ERMP1: variants seen among roughly 807,000 people sequenced by gnomAD.
ERMP1 encodes endoplasmic reticulum metallopeptidase 1, also known as Felix-ina.
In ERMP1, 86 loss-of-function variants were observed where a neutral mutation model predicts 92.0. The observed-to-expected ratio is 0.93, with a 90% CI of 0.79 to 1.12. The LOEUF is 1.12. Among genes scored for constraint, ERMP1 ranks in the 50% most tolerant of loss-of-function variants. The pLI, the probability that ERMP1 is intolerant of heterozygous loss-of-function variation, is 0.00. For synonymous variants in ERMP1, 530 were observed against 412.8 expected (o/e 1.28, Z -3.44); for missense variants, 1,342 against 1,116.3 (o/e 1.20, Z -2.88).
upstream of ERMP1, among the ~76,000 whole-genome samples, chr9:5,836,359 T>A (rs1830095887): frequency 6.6e-6 from 1 of 152,168 alleles, no homozygotes; most frequent in Non-Finnish European, 1.5e-5. Flanking sequence ...GCCTTTTACA[T>A]GATGTTACAG....
chr9:5,860,219 T>A (rs1481323692), intron 5 of ERMP1, among the ~76,000 whole-genome samples: 1 of 151,690 alleles, frequency 6.6e-6, no homozygotes, highest in Non-Finnish European at 1.5e-5. Context: ...TCAGGAGGAT[T>A]GCTTGAGCCC....
At chr9:5,849,308 A>G (rs1830278368) in intron 6 of ERMP1, among the ~76,000 whole-genome samples, 1 of 152,242 alleles carries the variant, frequency 6.6e-6, no homozygotes, top group African/African-American at 2.4e-5. Context: ...GGCATGAGCC[A>G]CTGCGTCTGG....
chr9:5,794,117 T>C (rs1027421234), intron 13 of ERMP1, among the ~76,000 whole-genome samples: 13 of 152,050 alleles, frequency 8.5e-5, no homozygotes, highest in African/African-American at 3.1e-4. Flanking sequence ...GAAATTAAAC[T>C]AGAAATCAAT....
intron 4 of ERMP1, among the ~76,000 whole-genome samples, chr9:5,822,754 G>GC (rs1829587753): frequency 6.6e-6 from 1 of 152,046 alleles, no homozygotes; most frequent in Non-Finnish European, 1.5e-5. Context: ...ATTTTAGTAT[G>GC]CCCCCACTAA....
chr9:5,794,572 T>C (rs1828335916), intron 13 of ERMP1, among the ~76,000 whole-genome samples: 1 of 152,108 alleles, frequency 6.6e-6, no homozygotes. Context: ...GACATCATTA[T>C]AGATCCCATG....
intron 5 of ERMP1, among the ~76,000 whole-genome samples, chr9:5,866,139 C>A (rs940216913): frequency 7.9e-5 from 12 of 152,158 alleles, no homozygotes; most frequent in African/African-American, 2.4e-4. Context: ...TGTGCTATTA[C>A]ACATAATACA....
At position 5,811,116 on chromosome 9, in the gene ERMP1, T is replaced by G. The variant is rs769282050; in HGVS notation, c.1322A>C (p.His441Pro). ...YLGKKFLQPK[H>P]KTGNYKKDFL... ...TTTTAGAGGAAAATACTTACTCTTA[T>G]GTTTGGGCTGCAAAAATTTTTTGCC... The change falls in exon 7 of 15, where the codon CAT becomes CCT. Residue 441 changes from histidine to proline, a missense_variant. By Grantham distance (77) the His-to-Pro change is moderately conservative (BLOSUM62 -2). Transcript: ENST00000339450. 6.2e-7 allele frequency: 1 copy of G among 1,609,582 alleles called. No homozygotes were observed. The highest frequency in any genetic ancestry group is 1.3e-5 in the African/African-American group (1 of 74,852).
At chr9:5,830,596 T>G (rs987413739) in intron 2 of ERMP1, 131 bp downstream of exon 2, 2 of 640,204 alleles carry the variant, frequency 3.1e-6, no homozygotes, top group Admixed American at 2.9e-5. Context: ...CTAATTATCC[T>G]GCTTTCCATC....
chr9:5,845,153 T>G (rs368209999), intron 6 of ERMP1, among the ~76,000 whole-genome samples: 77 of 24,918 alleles, frequency 3.1e-3, no homozygotes, highest in Admixed American at 6.2e-3. Flanking sequence ...GTTTTTTTTT[T>G]TTGTTGTTGT....
intron 13 of ERMP1, among the ~76,000 whole-genome samples, chr9:5,792,929 AAAAG>A (rs1376328866): frequency 1.3e-5 from 2 of 152,182 alleles, no homozygotes; most frequent in East Asian, 1.9e-4. Context: ...TTCATATAAC[AAAAG>A]AAAGCACACT....
chr9:5,839,235 C>T (rs1394953810), intron 6 of ERMP1, among the ~76,000 whole-genome samples: 1 of 152,208 alleles, frequency 6.6e-6, no homozygotes, highest in East Asian at 1.9e-4. Flanking sequence ...AGAATTTTCA[C>T]TTAATCATTG....
chr9:5,825,101 A>G lies in ERMP1; in HGVS notation c.759T>C (p.Asn253=). ...AACAGTAAAATCTCACTTGCAAGAC[A>G]TTTTCCTCAGCACCATTAAAGAGAA... is the stretch of plus-strand genomic sequence containing the variant. ...VIFLFNGAEE[N]VLQASHGFIT... is the part of the protein sequence containing the mutation. The change falls in exon 3 of 15, where the codon AAT becomes AAC. Residue 253 remains asparagine (N), a synonymous_variant. Coordinates refer to ENST00000339450, the MANE Select transcript of ERMP1 (RefSeq NM_024896.3). The G allele has an allele frequency of 6.2e-7, 1 of 1,613,974 alleles. No homozygotes were observed. Among genetic ancestry groups the G allele is most frequent in the Non-Finnish European group, 8.5e-7 (1 of 1,179,880 alleles).
chr9:5,808,309 CAAT>C (rs1168048837), intron 8 of ERMP1, among the ~76,000 whole-genome samples: 3 of 152,330 alleles, frequency 2.0e-5, no homozygotes, highest in Middle Eastern at 6.8e-3. Flanking sequence ...CCCCAATCAA[CAAT>C]AGTTAGCCAC....
intron 6 of ERMP1, among the ~76,000 whole-genome samples, chr9:5,843,132 G>C (rs945760438): frequency 1.3e-5 from 2 of 152,196 alleles, no homozygotes; most frequent in African/African-American, 2.4e-5. Context: ...TCCTGACATG[G>C]GCAGATAAGG....
At chr9:5,846,637 A>C (rs572224613) in intron 6 of ERMP1, among the ~76,000 whole-genome samples, 1 of 151,836 alleles carries the variant, frequency 6.6e-6, no homozygotes, top group Non-Finnish European at 1.5e-5. Context: ...GCAAGCACTT[A>C]CTCCCGTGGG....
At chr9:5,829,130 G>A (rs986267200) in intron 2 of ERMP1, among the ~76,000 whole-genome samples, 1 of 149,722 alleles carries the variant, frequency 6.7e-6, no homozygotes, top group Non-Finnish European at 1.5e-5. Flanking sequence ...TAGGAGAATC[G>A]CTTAAACCCG....
rs2131186951 is a variant in ERMP1 at position 5,784,637 on chromosome 9, C to T, written c.*2507G>A. 1 of 152,736 alleles carries T rather than the reference C, an allele frequency of 6.5e-6. No individual in the cohort carries two copies. Among genetic ancestry groups the T allele is most frequent in the Admixed American group, 6.5e-5 (1 of 15,304 alleles). The allele number at this position is 152,736 out of a possible 1,614,324, so 9.5% of individuals were successfully genotyped here. On this transcript the variant is annotated 3_prime_UTR_variant, in exon 15 of 15. Coordinates refer to ENST00000339450, the MANE Select transcript of ERMP1 (RefSeq NM_024896.3). ...ATTAATCCTCAGTAAGTCAGCAAAC[C>T]AGTGACAAGAAATTGACAAACACTC... is the stretch of plus-strand genomic sequence containing the variant.
At chr9:5,839,800 G>C (rs1830138023) in intron 6 of ERMP1, among the ~76,000 whole-genome samples, 1 of 152,176 alleles carries the variant, frequency 6.6e-6, no homozygotes. Flanking sequence ...AAGGAGAAAA[G>C]AGACAACAAT....
chr9:5,855,123 G>C (rs1219911773), intron 6 of ERMP1, among the ~76,000 whole-genome samples: 1 of 152,142 alleles, frequency 6.6e-6, no homozygotes, highest in African/African-American at 2.4e-5. Context: ...GTAATTATCT[G>C]TATTATTTAA....
Sources: gnomAD v4.1 joint callset for allele counts (sites outside exome capture counted in the v4.1 genomes callset) on GRCh38, gnomAD v4.1.1 for gene constraint, MANE v1.5 for transcripts, NCBI Gene and HGNC (gene_info 2026-07-23, HGNC 2026-07-21) for gene names.